Variants in ZFHX3 observed in about 807,000 individuals in gnomAD.
The protein encoded by ZFHX3 is zinc finger homeobox 3, also known as zinc finger homeobox protein 3.
A neutral mutation model predicts 279.1 loss-of-function variants in ZFHX3; 42 were observed. The ratio of observed to expected loss-of-function variants is 0.15; its 90% CI spans 0.12 to 0.19. The LOEUF (loss-of-function observed/expected upper bound fraction) is 0.19, where lower values mean the gene tolerates loss of function less well. Among genes scored for constraint, ZFHX3 ranks in the 10% least tolerant of loss-of-function variants. The probability of loss-of-function intolerance (pLI) is 1.00; values close to 1 mark genes in which losing one functional copy is unlikely to be tolerated. For synonymous variants in ZFHX3, 2,293 were observed against 1,957.8 expected (o/e 1.17, Z -4.52); for missense variants, 4,981 against 4,754.0 (o/e 1.05, Z -1.40).
rs1252764544 is a variant in ZFHX3 at position 73,883,316 on chromosome 16, G to A, written c.-1608+8335C>T. ...CTAAACAAAAGGAATTTGACGTCTG[G>A]CAGCCTATGTTCTCTGTGTATTCTG... On this transcript the variant is annotated intron_variant, in intron 1 of 17. Coordinates refer to the ZFHX3 transcript ENST00000641206. Among the ~76,000 whole-genome samples, 4 of 151,974 alleles carry A rather than the reference G, an allele frequency of 2.6e-5. No individual in the cohort carries two copies. In the East Asian group the frequency reaches 7.7e-4, roughly 29 times the overall value.
intron 3 of ZFHX3, among the ~76,000 whole-genome samples, chr16:73,348,619 C>A (rs184259563): frequency 2.6e-5 from 4 of 152,190 alleles, no homozygotes; most frequent in Non-Finnish European, 5.9e-5. Flanking sequence ...GACTGATCTT[C>A]GCAGGTGTTA....
intron 5 of ZFHX3, among the ~76,000 whole-genome samples, chr16:73,162,939 G>T (rs1286145571): frequency 6.6e-6 from 1 of 152,186 alleles, no homozygotes; most frequent in Non-Finnish European, 1.5e-5. Flanking sequence ...GGCTACCCAT[G>T]CTGCTGGTCT....
chr16:73,883,520 CAAT>C (rs932244289), intron 1 of ZFHX3, among the ~76,000 whole-genome samples: 2 of 151,946 alleles, frequency 1.3e-5, no homozygotes, highest in Non-Finnish European at 2.9e-5. Flanking sequence ...CTACAGACAA[CAAT>C]GACATGTGCA....
intron 2 of ZFHX3, among the ~76,000 whole-genome samples, chr16:73,536,619 C>A (rs1567512806): frequency 6.6e-6 from 1 of 152,186 alleles, no homozygotes; most frequent in African/African-American, 2.4e-5. Context: ...ATTAAATAAG[C>A]TATTTTTAAG....
At chr16:73,500,244 G>A (rs9924668) in intron 2 of ZFHX3, 34,529 of 152,234 alleles carry the variant, frequency 0.23, 4,666 homozygotes, top group African/African-American at 0.38. Flanking sequence ...GAAAGACAGT[G>A]ATATCGATGA....
chr16:73,248,588 T>C lies in ZFHX3; in HGVS notation c.-1104+8459A>G, dbSNP rs529408187. 1.8e-4 allele frequency among the ~76,000 whole-genome samples: 27 copies of C among 151,560 alleles called. 1 individual carries two copies. The highest frequency in any genetic ancestry group is 1.1e-3 in the Admixed American group (17 of 15,244). ...AAATGTGTCTGTGTGTATATGTGCA[T>C]GTGTGTATGTCCTGTGTATGTGTCT... On this transcript the variant is annotated intron_variant, in intron 5 of 17. Coordinates refer to the ZFHX3 transcript ENST00000641206.
rs148670342 is a variant in ZFHX3, at chr16:72,889,835, C to G, written c.3344G>C (p.Ser1115Thr). 1.2e-6 allele frequency: 2 copies of G among 1,614,110 alleles called. No homozygotes were observed. The highest frequency in any genetic ancestry group is 1.7e-6 in the Non-Finnish European group (2 of 1,180,044). Residue 1115 changes from serine to threonine, a missense_variant, in exon 4 of 10, where the codon AGC becomes ACC. Ser to Thr is a moderately conservative substitution (Grantham distance 58). Transcript: ENST00000268489. ...QHVRSMKHQR[S>T]ESLRKLQRLQ... ...CCGCTGCAGCTTTCGCAGGCTCTCGCTTCGCTGGTGCTTCATGGAGCGCAC... is the reference window on the plus strand; with the variant it reads ...CCGCTGCAGCTTTCGCAGGCTCTCGGTTCGCTGGTGCTTCATGGAGCGCAC...
intron 3 of ZFHX3, among the ~76,000 whole-genome samples, chr16:73,343,631 T>A (rs2016074960): frequency 6.6e-6 from 1 of 152,050 alleles, no homozygotes; most frequent in South Asian, 2.1e-4. Context: ...GAAGCTGAAG[T>A]GGGAAGAATG....
chr16:73,079,102 T>C (rs1965917605), intron 8 of ZFHX3, among the ~76,000 whole-genome samples: 1 of 152,156 alleles, frequency 6.6e-6, no homozygotes. Flanking sequence ...ACTGCAAATC[T>C]TCCCTGATCT....
intron 1 of ZFHX3, among the ~76,000 whole-genome samples, chr16:73,040,725 C>T (rs773472129): frequency 2.1e-4 from 32 of 152,268 alleles, no homozygotes; most frequent in African/African-American, 5.5e-4. Context: ...CGAAAGGTAG[C>T]AGAGGCCATC....
intron 7 of ZFHX3, chr16:73,127,416 T>C (rs1462975969): frequency 1.5e-5 from 19 of 1,305,224 alleles, no homozygotes; most frequent in Non-Finnish European, 1.7e-5. Flanking sequence ...CCTTCCCAGG[T>C]AGTAGCTGGA....
Position 72,797,339 on chromosome 16 carries a change from G to A in ZFHX3, c.5343C>T (p.Pro1781=), listed in dbSNP as rs1275008186. ...GTTGCAGCAGGGTCTCAGTTGTCAT[G>A]GGGAAGTGAGGAAGGAGGGTGGGGT... ...LFNPTLLPHF[P]MTTETLLQLQ... is the part of the protein sequence containing the mutation. The change falls in exon 9 of 10, where the codon CCC becomes CCT. Residue 1781 remains proline, a synonymous_variant. Coordinates refer to ENST00000268489, the MANE Select transcript of ZFHX3 (RefSeq NM_006885.4). 2 of 1,601,152 alleles carry A rather than the reference G, an allele frequency of 1.2e-6. No homozygotes were observed. The highest frequency in any genetic ancestry group is 1.7e-6 in the Non-Finnish European group (2 of 1,173,170).
chr16:73,621,458 A>G (rs1044050059), intron 2 of ZFHX3, among the ~76,000 whole-genome samples: 1 of 152,224 alleles, frequency 6.6e-6, no homozygotes, highest in East Asian at 1.9e-4. Flanking sequence ...CCCAAGCCAT[A>G]GCAGAGGATG....
chr16:73,392,872 T>C (rs1190872422), intron 3 of ZFHX3, among the ~76,000 whole-genome samples: 1 of 152,232 alleles, frequency 6.6e-6, no homozygotes, highest in Non-Finnish European at 1.5e-5. Flanking sequence ...TCTCACTCTG[T>C]TGCCCAGGCT....
intron 2 of ZFHX3, among the ~76,000 whole-genome samples, chr16:73,490,131 A>G (rs1395357021): frequency 1.3e-5 from 2 of 152,232 alleles, no homozygotes; most frequent in African/African-American, 2.4e-5. Flanking sequence ...TCACGTCTTA[A>G]AGTTAACTTA....
chr16:73,796,184 T>C (rs1959980785), intron 1 of ZFHX3, among the ~76,000 whole-genome samples: 1 of 152,094 alleles, frequency 6.6e-6, no homozygotes. Flanking sequence ...AGAGAAAAAA[T>C]AGTTATTTAA....
intron 7 of ZFHX3, among the ~76,000 whole-genome samples, chr16:73,104,709 C>T (rs1050011808): frequency 2.0e-5 from 3 of 152,154 alleles, no homozygotes; most frequent in African/African-American, 2.4e-5. Flanking sequence ...CTCAGGGCCT[C>T]GGTTGACTTC....
chr16:72,974,951 G>T (rs1962286604), intron 1 of ZFHX3, among the ~76,000 whole-genome samples: 1 of 152,106 alleles, frequency 6.6e-6, no homozygotes, highest in South Asian at 2.1e-4. Context: ...GGCTTGAGAG[G>T]TTTATTTCAT....
At chr16:72,792,865 T>G (rs2035759686) in intron 9 of ZFHX3, among the ~76,000 whole-genome samples, 1 of 152,186 alleles carries the variant, frequency 6.6e-6, no homozygotes, top group African/African-American at 2.4e-5. Flanking sequence ...AATCCAGAAT[T>G]AGCTAGGACT....
Sources: allele counts gnomAD v4.1 joint callset (sites outside exome capture counted in the v4.1 genomes callset), GRCh38; gene constraint gnomAD v4.1.1; transcripts MANE v1.5; gene names NCBI Gene and HGNC (gene_info 2026-07-23, HGNC 2026-07-21).